Variants in MDGA2 observed in about 807,000 individuals in gnomAD.
MDGA2 encodes the protein MAM domain containing glycosylphosphatidylinositol anchor 2.
MDGA2 carries 40 observed loss-of-function variants against 117.8 expected under a neutral mutation model. The observed-to-expected ratio is 0.34, with a 90% CI of 0.26 to 0.44. The LOEUF is 0.44. Among genes scored for constraint, MDGA2 ranks in the 20% least tolerant of loss-of-function variants. The pLI is 1.00. For synonymous variants in MDGA2, 452 were observed against 439.0 expected, an observed-to-expected ratio of 1.03 and a Z score of -0.37; for missense variants, 1,123 against 1,250.6, an observed-to-expected ratio of 0.90 and a Z score of 1.54.
intron 7 of MDGA2, among the ~76,000 whole-genome samples, chr14:47,046,098 A>T (rs187078320): frequency 5.9e-5 from 9 of 151,890 alleles, no homozygotes; most frequent in African/African-American, 1.9e-4. Flanking sequence ...GCACATGTAT[A>T]CATATGTAAC....
intron 8 of MDGA2, among the ~76,000 whole-genome samples, chr14:46,961,484 T>A (rs1051926797): frequency 6.6e-6 from 1 of 152,196 alleles, no homozygotes; most frequent in African/African-American, 2.4e-5. Context: ...AAAATATATA[T>A]TGTGTATTAA....
chr14:47,609,465 A>ATATACATATATATATATAT (rs1555336021), intron 1 of MDGA2, among the ~76,000 whole-genome samples: 2 of 107,384 alleles, frequency 1.9e-5, no homozygotes, highest in Admixed American at 9.4e-5. Flanking sequence ...ATATATATAT[A>ATATACATATATATATATAT]AGTTTCTTTA....
chr14:47,633,702 C>T (rs927907964), intron 1 of MDGA2, among the ~76,000 whole-genome samples: 4 of 152,078 alleles, frequency 2.6e-5, no homozygotes, highest in African/African-American at 7.2e-5. Flanking sequence ...AAATGCTGTG[C>T]GAAAGTTGCA....
At chr14:47,545,725 A>G (rs1464484223) in intron 1 of MDGA2, among the ~76,000 whole-genome samples, 2 of 152,174 alleles carry the variant, frequency 1.3e-5, no homozygotes, top group East Asian at 1.9e-4. Context: ...TTCTAACATC[A>G]AGTATTTAAT....
At chr14:47,227,985 C>T (rs1297108215) in intron 2 of MDGA2, among the ~76,000 whole-genome samples, 3 of 152,116 alleles carry the variant, frequency 2.0e-5, no homozygotes, top group Non-Finnish European at 4.4e-5. Context: ...TGCTCTCCAT[C>T]GCCAACATAA....
chr14:47,670,064 C>T (rs1898047108), intron 1 of MDGA2, among the ~76,000 whole-genome samples: 1 of 152,120 alleles, frequency 6.6e-6, no homozygotes, highest in Admixed American at 6.5e-5. Context: ...TCACCAAGGC[C>T]ATTTCTGTCC....
chr14:47,503,562 G>A (rs566167961), intron 1 of MDGA2, among the ~76,000 whole-genome samples: 8 of 151,484 alleles, frequency 5.3e-5, no homozygotes, highest in African/African-American at 1.7e-4. Flanking sequence ...CCGCCACCAC[G>A]CCCAGCTAAT....
At chr14:47,647,458 A>T (rs1000753949) in intron 1 of MDGA2, among the ~76,000 whole-genome samples, 2 of 152,146 alleles carry the variant, frequency 1.3e-5, no homozygotes, top group Non-Finnish European at 2.9e-5. Context: ...TTTATGTGAA[A>T]CACAATTCCA....
intron 1 of MDGA2, among the ~76,000 whole-genome samples, chr14:47,614,098 T>C (rs963656952): frequency 1.4e-5 from 2 of 145,336 alleles, no homozygotes; most frequent in South Asian, 2.1e-4. Flanking sequence ...CTTTTTTCTT[T>C]TTTTTTTTTT....
chr14:46,963,636 T>A (rs1240458682), intron 8 of MDGA2, among the ~76,000 whole-genome samples: 12 of 152,222 alleles, frequency 7.9e-5, no homozygotes, highest in Non-Finnish European at 1.8e-4. Context: ...ATTCTCATCA[T>A]TCAGATTTTA....
intron 1 of MDGA2, among the ~76,000 whole-genome samples, chr14:47,313,969 T>C (rs1041290334): frequency 1.3e-5 from 2 of 152,146 alleles, no homozygotes; most frequent in Admixed American, 1.3e-4. Flanking sequence ...AATAACAGCA[T>C]ATATGGAAAA....
intron 8 of MDGA2, among the ~76,000 whole-genome samples, chr14:47,025,467 T>A (rs184169735): frequency 6.6e-5 from 10 of 152,102 alleles, no homozygotes; most frequent in African/African-American, 9.7e-5. Flanking sequence ...GGGCTGAGGA[T>A]TCTGCCAGAG....
chr14:47,393,509 T>C (rs1052359670), intron 1 of MDGA2, among the ~76,000 whole-genome samples: 1 of 152,120 alleles, frequency 6.6e-6, no homozygotes, highest in Non-Finnish European at 1.5e-5. Flanking sequence ...ATTGTGGGTA[T>C]AGAGAAAGAG....
At chr14:47,298,683 CTTTTTTT>C (rs66784813) in intron 2 of MDGA2, among the ~76,000 whole-genome samples, 46 of 126,118 alleles carry the variant, frequency 3.6e-4, no homozygotes, top group African/African-American at 1.2e-3. Context: ...CTTAATTTTT[CTTTTTTT>C]TTTTTTTTTT....
At chr14:46,842,678 T>A (rs1880666130) in intron 16 of MDGA2, among the ~76,000 whole-genome samples, 1 of 152,222 alleles carries the variant, frequency 6.6e-6, no homozygotes, top group South Asian at 2.1e-4. Flanking sequence ...CCTCTTAGAA[T>A]GCATGCCTTA....
rs1233935126 is a variant in MDGA2 at position 47,136,282 on chromosome 14, C to G, written c.793-4436G>C. Among the ~76,000 whole-genome samples the G allele has an allele frequency of 8.0e-5, 12 of 150,652 alleles. No individual in the cohort carries two copies. In the Admixed American group the frequency reaches 8.0e-4, roughly 10 times the overall value. ...GGCGCAACCTCGGCTCGCTGAAACT[C>G]TGCCTCCAGGTTCAAGCGATTCCCA... On this transcript the variant is annotated intron_variant, in intron 4 of 16. Transcript: ENST00000399232.
intron 1 of MDGA2, among the ~76,000 whole-genome samples, chr14:47,575,273 T>A (rs936274598): frequency 1.3e-5 from 2 of 152,100 alleles, no homozygotes; most frequent in Non-Finnish European, 2.9e-5. Flanking sequence ...CAGTGAAGAG[T>A]AATTTCCTTT....
chr14:47,093,366 C>T (rs939322041), intron 6 of MDGA2, among the ~76,000 whole-genome samples: 1 of 152,012 alleles, frequency 6.6e-6, no homozygotes, highest in Non-Finnish European at 1.5e-5. Flanking sequence ...ATGTTCAACA[C>T]AGTGATTTAA....
intron 5 of MDGA2, among the ~76,000 whole-genome samples, chr14:47,115,883 T>C (rs7140347): frequency 0.41 from 62,951 of 151,766 alleles, 13,331 homozygotes; most frequent in South Asian, 0.55. Flanking sequence ...ACGGAAAGGA[T>C]GCCTGCTTTC....
Sources: gnomAD v4.1 joint callset for allele counts (sites outside exome capture counted in the v4.1 genomes callset) on GRCh38, gnomAD v4.1.1 for gene constraint, MANE v1.5 for transcripts, NCBI Gene and HGNC (gene_info 2026-07-23, HGNC 2026-07-21) for gene names.